SENP7: variants seen among roughly 807,000 people sequenced by gnomAD.
SENP7 encodes SUMO specific peptidase 7.
SENP7 carries 64 observed loss-of-function variants against 141.2 expected under a neutral mutation model. That is an observed-to-expected ratio of 0.45 (90% CI 0.37 to 0.56). SENP7 has a LOEUF of 0.56. Among genes scored for constraint, SENP7 ranks in the 20% least tolerant of loss-of-function variants. The probability of loss-of-function intolerance (pLI) is 0.00; values close to 1 mark genes in which losing one functional copy is unlikely to be tolerated. For synonymous variants in SENP7, 382 were observed against 426.4 expected (o/e 0.90, Z 1.28); for missense variants, 1,025 against 1,212.2 (o/e 0.85, Z 2.29).
intron 3 of SENP7, among the ~76,000 whole-genome samples, chr3:101,473,348 C>A (rs777817545): frequency 5.3e-5 from 8 of 152,206 alleles, no homozygotes; most frequent in Non-Finnish European, 1.2e-4. Context: ...TACACTCCCA[C>A]CAACACTTTA....
intron 6 of SENP7, among the ~76,000 whole-genome samples, chr3:101,396,988 C>T (rs2107570254): frequency 6.6e-6 from 1 of 152,244 alleles, no homozygotes; most frequent in South Asian, 2.1e-4. Context: ...GGATTATAGG[C>T]CCCTGCCACC....
Position 101,327,801 on chromosome 3 carries a change from C to T in SENP7, c.2880G>A (p.Glu960=). The change falls in exon 23 of 24, where the codon GAG becomes GAA. Residue 960 remains glutamate (E), a synonymous_variant. Transcript: ENST00000394095. ...VQNLREYLEV[E]WEVKLKTHRQ... ...GATGAGTTTTTAGTTTAACTTCCCA[C>T]TCTACCTCTAAATACCTGAAATAAT... The T allele has an allele frequency of 1.2e-6, 2 of 1,606,006 alleles. No individual in the cohort carries two copies. Among genetic ancestry groups the T allele is most frequent in the Non-Finnish European group, 1.7e-6 (2 of 1,174,444 alleles).
intron 3 of SENP7, among the ~76,000 whole-genome samples, chr3:101,467,371 C>T (rs2063797931): frequency 6.6e-6 from 1 of 152,274 alleles, no homozygotes; most frequent in Admixed American, 6.5e-5. Flanking sequence ...AACAGACAGA[C>T]TGCCTCCTCA....
At chr3:101,394,641 T>A (rs979231987) in intron 6 of SENP7, among the ~76,000 whole-genome samples, 23 of 152,056 alleles carry the variant, frequency 1.5e-4, no homozygotes, top group African/African-American at 5.6e-4. Flanking sequence ...GCCTCCCGAG[T>A]AGCTGGGACT....
At chr3:101,506,813 G>A (rs2065634867) in intron 1 of SENP7, among the ~76,000 whole-genome samples, 1 of 152,254 alleles carries the variant, frequency 6.6e-6, no homozygotes, top group Non-Finnish European at 1.5e-5. Flanking sequence ...AGCACTTTGG[G>A]AAGCCGAGGT....
At chr3:101,391,240 G>T (rs1392584619) in intron 6 of SENP7, among the ~76,000 whole-genome samples, 1 of 151,192 alleles carries the variant, frequency 6.6e-6, no homozygotes, top group Non-Finnish European at 1.5e-5. Flanking sequence ...AGATAATAAA[G>T]TCATAGAAGA....
chr3:101,493,824 C>A, intron 3 of SENP7, 49 bp downstream of exon 3: 2 of 1,096,132 alleles, frequency 1.8e-6, no homozygotes, highest in Admixed American at 2.0e-5. Context: ...ATATTTTAAA[C>A]ATACCAAATA....
At chr3:101,465,439 G>A (rs1318720634) in intron 3 of SENP7, among the ~76,000 whole-genome samples, 1 of 152,188 alleles carries the variant, frequency 6.6e-6, no homozygotes, top group Non-Finnish European at 1.5e-5. Context: ...TACTACTGGT[G>A]CTTAAGGAAC....
At chr3:101,473,206 T>C (rs2064079039) in intron 3 of SENP7, among the ~76,000 whole-genome samples, 1 of 152,250 alleles carries the variant, frequency 6.6e-6, no homozygotes, top group Non-Finnish European at 1.5e-5. Context: ...TGTGTGCATG[T>C]GTCTTTATAA....
intron 6 of SENP7, among the ~76,000 whole-genome samples, chr3:101,396,316 C>T (rs759365796): frequency 9.2e-5 from 14 of 152,120 alleles, no homozygotes; most frequent in East Asian, 1.9e-4. Context: ...AAGGCAGAAG[C>T]GTACAGATTA....
At chr3:101,507,943 G>A (rs969461426) in intron 1 of SENP7, among the ~76,000 whole-genome samples, 44 of 151,186 alleles carry the variant, frequency 2.9e-4, no homozygotes, top group African/African-American at 1.1e-3. Context: ...TAGCTACTCA[G>A]GAGGCTGATG....
intron 6 of SENP7, among the ~76,000 whole-genome samples, chr3:101,391,527 G>A (rs1283068550): frequency 6.6e-6 from 1 of 152,058 alleles, no homozygotes; most frequent in Non-Finnish European, 1.5e-5. Context: ...CAACCTACAA[G>A]ATTGAATCAG....
intron 3 of SENP7, among the ~76,000 whole-genome samples, chr3:101,492,029 T>C (rs988607864): frequency 5.9e-5 from 9 of 151,860 alleles, no homozygotes; most frequent in African/African-American, 1.7e-4. Context: ...AAGGCAGAGG[T>C]TGCGGTGAGC....
chr3:101,510,067 G>A (rs925960383), intron 1 of SENP7, among the ~76,000 whole-genome samples: 19 of 152,100 alleles, frequency 1.2e-4, no homozygotes, highest in African/African-American at 4.3e-4. Context: ...TTTACTTGAC[G>A]TTTCCTATTT....
chr3:101,436,232 A>C (rs990919956), intron 4 of SENP7, among the ~76,000 whole-genome samples: 1 of 152,160 alleles, frequency 6.6e-6, no homozygotes, highest in Non-Finnish European at 1.5e-5. Context: ...GCAAAACAAT[A>C]AACTAGACCC....
intron 4 of SENP7, among the ~76,000 whole-genome samples, chr3:101,435,207 A>C (rs751452044): frequency 3.4e-4 from 49 of 142,998 alleles, no homozygotes; most frequent in Non-Finnish European, 5.9e-4. Context: ...AAACCATTTG[A>C]TAAAATTCAA....
At chr3:101,361,084 A>G (rs1175166218) in intron 11 of SENP7, among the ~76,000 whole-genome samples, 1 of 152,074 alleles carries the variant, frequency 6.6e-6, no homozygotes, top group East Asian at 1.9e-4. Context: ...ACGCACCTGT[A>G]GTCCCAGCTA....
In SENP7 at chr3:101,366,637, G is replaced by C; in HGVS notation, c.1111C>G (p.Leu371Val). 6.2e-7 allele frequency: 1 copy of C among 1,613,916 alleles called. No homozygotes were observed. The highest frequency in any genetic ancestry group is 1.1e-5 in the South Asian group (1 of 91,074). ...CTCAAAGTCAACTCCTGACTGTTAA[G>C]TGAGGATAGTTTAGTAAAATCACTT... ...TKSDFTKLSS[L>V]NSQELTLSNA... Residue 371 changes from leucine (L) to valine (V), a missense_variant, in exon 9 of 24, where the codon CTT becomes GTT. This residue lies in a region of SENP7 where 496 missense variants were observed against 503.5 expected (regional missense o/e 0.99). Coordinates refer to ENST00000394095, the MANE Select transcript of SENP7 (RefSeq NM_020654.5).
chr3:101,352,372 C>T (rs2059633822), intron 11 of SENP7, among the ~76,000 whole-genome samples: 1 of 151,994 alleles, frequency 6.6e-6, no homozygotes, highest in African/African-American at 2.4e-5. Flanking sequence ...CAACCTCTTC[C>T]CTGGATGACT....
Sources: gnomAD v4.1 joint callset for allele counts (sites outside exome capture counted in the v4.1 genomes callset) on GRCh38, gnomAD v4.1.1 for gene constraint, gnomAD v4.1.1 regional missense constraint, MANE v1.5 for transcripts, NCBI Gene and HGNC (gene_info 2026-07-23, HGNC 2026-07-21) for gene names.